LSAMP: variants seen among roughly 807,000 people sequenced by gnomAD.
LSAMP encodes limbic system associated membrane protein.
LSAMP carries 7 observed loss-of-function variants against 38.6 expected under a neutral mutation model. The ratio of observed to expected loss-of-function variants is 0.18; its 90% CI spans 0.10 to 0.34. The LOEUF (loss-of-function observed/expected upper bound fraction) is 0.34. LSAMP is among the 10% of genes least tolerant of loss of function. The pLI is 1.00. For missense variants in LSAMP, 313 were observed against 420.0 expected (o/e 0.75, Z 2.23); for synonymous variants, 154 against 166.8 (o/e 0.92, Z 0.59).
chr3:116,291,106 G>T (rs574478698), intron 1 of LSAMP, among the ~76,000 whole-genome samples: 3 of 152,174 alleles, frequency 2.0e-5, no homozygotes, highest in South Asian at 4.2e-4. Context: ...ATCTGTACTG[G>T]GCTTGTTCCT....
intron 3 of LSAMP, among the ~76,000 whole-genome samples, chr3:115,991,281 T>A (rs560212571): frequency 6.6e-6 from 1 of 152,222 alleles, no homozygotes; most frequent in East Asian, 1.9e-4. Flanking sequence ...AGATGTGAAC[T>A]GAAATATCAC....
chr3:115,818,790 T>TTATTTATATATA, intron 6 of LSAMP, among the ~76,000 whole-genome samples: 1 of 69,786 alleles, frequency 1.4e-5, no homozygotes, highest in Non-Finnish European at 3.0e-5. Flanking sequence ...AGTTGTACTT[T>TTATTTATATATA]TATATATATA....
chr3:115,929,830 C>T (rs571053715), intron 3 of LSAMP, among the ~76,000 whole-genome samples: 2 of 151,962 alleles, frequency 1.3e-5, no homozygotes, highest in East Asian at 1.9e-4. Context: ...TACCATGCAC[C>T]CTCTAGCTTC....
chr3:116,325,828 C>T (rs1246697242), intron 1 of LSAMP, among the ~76,000 whole-genome samples: 1 of 152,122 alleles, frequency 6.6e-6, no homozygotes, highest in Non-Finnish European at 1.5e-5. Context: ...TACAGCAGAA[C>T]AGCATCTCTA....
chr3:116,160,084 A>G (rs189838753), intron 1 of LSAMP, among the ~76,000 whole-genome samples: 1 of 152,202 alleles, frequency 6.6e-6, no homozygotes, highest in Non-Finnish European at 1.5e-5. Context: ...TCAGGGGTAG[A>G]GGGTGGGAGA....
chr3:116,167,840 T>C (rs1331418620), intron 1 of LSAMP, among the ~76,000 whole-genome samples: 1 of 152,172 alleles, frequency 6.6e-6, no homozygotes, highest in Non-Finnish European at 1.5e-5. Flanking sequence ...TAAATCTGTG[T>C]GTGAATATGA....
At chr3:115,903,947 G>C (rs888485592) in intron 3 of LSAMP, among the ~76,000 whole-genome samples, 1 of 152,158 alleles carries the variant, frequency 6.6e-6, no homozygotes, top group Non-Finnish European at 1.5e-5. Flanking sequence ...TCTTGGGTTT[G>C]CATAGCTCAC....
At chr3:116,039,642 T>C (rs1920381) in intron 2 of LSAMP, among the ~76,000 whole-genome samples, 150,980 of 152,256 alleles carry the variant, frequency 0.99, 74,872 homozygotes, top group Middle Eastern at 1. Context: ...TTTATTTTAA[T>C]GCAATGAGTG....
chr3:116,434,408 GT>G (rs1197083754), intron 1 of LSAMP, among the ~76,000 whole-genome samples: 2 of 152,200 alleles, frequency 1.3e-5, no homozygotes, highest in African/African-American at 4.8e-5. Flanking sequence ...TAAATGCAAA[GT>G]TTAAAGTATT....
At chr3:116,097,755 GAC>G (rs1708256866) in intron 1 of LSAMP, among the ~76,000 whole-genome samples, 6 of 150,420 alleles carry the variant, frequency 4.0e-5, no homozygotes, top group Admixed American at 1.3e-4. Flanking sequence ...TTTTCTTTTA[GAC>G]ACAGTTTTGC....
At chr3:116,023,074 G>A (rs1940682322) in intron 2 of LSAMP, among the ~76,000 whole-genome samples, 1 of 151,980 alleles carries the variant, frequency 6.6e-6, no homozygotes, top group Non-Finnish European at 1.5e-5. Context: ...TTTATGTCAT[G>A]TTCTGTGGTT....
At chr3:116,274,093 C>T (rs1707946041) in intron 1 of LSAMP, among the ~76,000 whole-genome samples, 1 of 152,044 alleles carries the variant, frequency 6.6e-6, no homozygotes, top group Non-Finnish European at 1.5e-5. Flanking sequence ...TGTTCTCTCT[C>T]ACATTTAGGA....
intron 1 of LSAMP, among the ~76,000 whole-genome samples, chr3:116,408,787 A>G (rs2048932799): frequency 1.3e-5 from 2 of 152,086 alleles, no homozygotes; most frequent in South Asian, 4.1e-4. Flanking sequence ...AAGAACTGGA[A>G]GTTTGAAAAT....
chr3:115,912,643 G>A (rs1471992886), intron 3 of LSAMP, among the ~76,000 whole-genome samples: 1 of 152,218 alleles, frequency 6.6e-6, no homozygotes, highest in African/African-American at 2.4e-5. Flanking sequence ...GCTGGCACGA[G>A]TGGAGTTGTA....
chr3:115,838,931 G>T (rs1027281569), intron 6 of LSAMP, among the ~76,000 whole-genome samples: 2 of 152,218 alleles, frequency 1.3e-5, no homozygotes, highest in South Asian at 4.1e-4. Flanking sequence ...TCTGGCTCTG[G>T]GTCTCTACCT....
At chr3:116,169,355 G>C (rs1405340707) in intron 1 of LSAMP, among the ~76,000 whole-genome samples, 1 of 152,222 alleles carries the variant, frequency 6.6e-6, no homozygotes, top group Non-Finnish European at 1.5e-5. Context: ...AGTTGTGCTT[G>C]AGGACCTGTT....
chr3:115,824,739 C>T (rs112685307), intron 6 of LSAMP, among the ~76,000 whole-genome samples: 1,914 of 151,280 alleles, frequency 0.013, 47 homozygotes, highest in African/African-American at 0.043. Context: ...AACTAGCTTC[C>T]GGACCTAAAT....
At chr3:115,962,300 A>T (rs1938653547) in intron 3 of LSAMP, among the ~76,000 whole-genome samples, 1 of 152,206 alleles carries the variant, frequency 6.6e-6, no homozygotes, top group African/African-American at 2.4e-5. Flanking sequence ...AATTCCATTG[A>T]ACTGACTGCT....
At chr3:116,103,482 A>T (rs1170222283) in intron 1 of LSAMP, among the ~76,000 whole-genome samples, 1 of 150,166 alleles carries the variant, frequency 6.7e-6, no homozygotes, top group East Asian at 1.9e-4. Context: ...AAAAAAAAAA[A>T]AAAAAAGAAA....
Sources: gnomAD v4.1 joint callset for allele counts (sites outside exome capture counted in the v4.1 genomes callset) on GRCh38, gnomAD v4.1.1 for gene constraint, MANE v1.5 for transcripts, NCBI Gene and HGNC (gene_info 2026-07-23, HGNC 2026-07-21) for gene names.